Variants in LRRC37A2 observed in about 807,000 individuals in gnomAD.
LRRC37A2 encodes the protein leucine rich repeat containing 37 member A2, also known as leucine-rich repeat-containing protein 37A2.
A neutral mutation model predicts 68.8 loss-of-function variants in LRRC37A2; 9 were observed. The observed-to-expected ratio is 0.13, with a 90% CI of 0.08 to 0.23. The LOEUF is 0.23. Ranked by LOEUF, LRRC37A2 falls within the 10% of genes least tolerant of loss-of-function variation. The pLI is 1.00. For synonymous variants in LRRC37A2, 63 were observed against 367.6 expected (o/e 0.17, Z 9.48); for missense variants, 168 against 950.4 (o/e 0.18, Z 10.82).
the LRRC37A2 span, chr17:46,876,812 A>G: frequency 1.4e-6 from 2 of 1,446,930 alleles, no homozygotes; most frequent in Non-Finnish European, 1.8e-6. Flanking sequence ...CTGTCATCAC[A>G]TGCATGCATA....
chr17:46,811,710 T>C, the LRRC37A2 span, among the ~76,000 whole-genome samples: 1 of 152,164 alleles, frequency 6.6e-6, no homozygotes, highest in African/African-American at 2.4e-5. Context: ...ATCCCAGCAC[T>C]TTGGGAGGCC....
chr17:46,608,954 T>C, the LRRC37A2 span, among the ~76,000 whole-genome samples: 1 of 151,362 alleles, frequency 6.6e-6, no homozygotes, highest in East Asian at 1.9e-4. Flanking sequence ...TGAAAATGCA[T>C]GAGCACAACC....
chr17:46,633,455 C>G, the LRRC37A2 span, among the ~76,000 whole-genome samples: 1 of 129,932 alleles, frequency 7.7e-6, no homozygotes, highest in Non-Finnish European at 1.7e-5. Context: ...GTTGCCCAGT[C>G]TGGTCTCTAA....
chr17:46,791,954 C>T, the LRRC37A2 span, among the ~76,000 whole-genome samples: 3 of 152,080 alleles, frequency 2.0e-5, no homozygotes, highest in African/African-American at 7.2e-5. Flanking sequence ...GCGGGAGGAT[C>T]GCTTGAGCCC....
chr17:47,036,703 CT>C, the LRRC37A2 span, among the ~76,000 whole-genome samples: 2 of 150,632 alleles, frequency 1.3e-5, no homozygotes, highest in Non-Finnish European at 1.5e-5. Context: ...ATTTATTTGT[CT>C]GTCCACATTC....
At chr17:46,649,279 CAT>C in the LRRC37A2 span, among the ~76,000 whole-genome samples, 1 of 138,490 alleles carries the variant, frequency 7.2e-6, no homozygotes, top group Non-Finnish European at 1.5e-5. Flanking sequence ...AAAGTTTCTC[CAT>C]ATATAACAAA....
chr17:46,791,012 G>A, the LRRC37A2 span, among the ~76,000 whole-genome samples: 1 of 152,032 alleles, frequency 6.6e-6, no homozygotes, highest in Admixed American at 6.6e-5. Context: ...CTTCTTCCTG[G>A]TTTCCCCTTA....
chr17:46,899,070 A>G, the LRRC37A2 span, among the ~76,000 whole-genome samples: 3 of 152,164 alleles, frequency 2.0e-5, no homozygotes, highest in Non-Finnish European at 2.9e-5. Context: ...ACAATGGAAT[A>G]TTATTTGACC....
chr17:46,829,666 C>A, the LRRC37A2 span, among the ~76,000 whole-genome samples: 1 of 152,100 alleles, frequency 6.6e-6, no homozygotes, highest in Non-Finnish European at 1.5e-5. Flanking sequence ...CTGGTGGAAG[C>A]CTTGCCTGGG....
the LRRC37A2 span, among the ~76,000 whole-genome samples, chr17:46,724,687 A>G: frequency 6.6e-6 from 1 of 152,214 alleles, no homozygotes; most frequent in African/African-American, 2.4e-5. Context: ...ACTTTTGTGA[A>G]AGTAGGATTA....
At chr17:46,726,884 A>G in the LRRC37A2 span, among the ~76,000 whole-genome samples, 1 of 152,180 alleles carries the variant, frequency 6.6e-6, no homozygotes, top group Non-Finnish European at 1.5e-5. Context: ...TGCCCTTGCC[A>G]TAGTAAATGA....
chr17:47,011,182 A>G, the LRRC37A2 span, among the ~76,000 whole-genome samples: 2 of 152,070 alleles, frequency 1.3e-5, no homozygotes, highest in African/African-American at 2.4e-5. Context: ...AGCAACATAC[A>G]CCTACTTTAA....
At chr17:46,936,967 A>T in the LRRC37A2 span, 217 of 179,280 alleles carry the variant, frequency 1.2e-3, no homozygotes, top group Non-Finnish European at 1.8e-3. Context: ...GTATTTATTA[A>T]AAAAAAAAAA....
chr17:46,906,014 T>A, the LRRC37A2 span, among the ~76,000 whole-genome samples: 2 of 152,122 alleles, frequency 1.3e-5, no homozygotes, highest in Non-Finnish European at 2.9e-5. Context: ...TCTCCCTTCC[T>A]CCTGAAGAGG....
chr17:46,935,238 T>C, the LRRC37A2 span: 2 of 1,609,790 alleles, frequency 1.2e-6, no homozygotes, highest in Non-Finnish European at 1.7e-6. Context: ...TTAGTAACTG[T>C]GTTTATATTT....
At chr17:46,779,066 C>T in the LRRC37A2 span, among the ~76,000 whole-genome samples, 1 of 95,208 alleles carries the variant, frequency 1.1e-5, no homozygotes, top group Non-Finnish European at 2.7e-5. Flanking sequence ...CACACACACA[C>T]ACACACACAC....
At chr17:46,490,457 T>C in the LRRC37A2 span, among the ~76,000 whole-genome samples, 4 of 151,142 alleles carry the variant, frequency 2.6e-5, no homozygotes, top group African/African-American at 9.9e-5. Flanking sequence ...GCATGGTGGC[T>C]CACACCTGTA....
the LRRC37A2 span, chr17:46,938,464 T>G: frequency 7.3e-7 from 1 of 1,360,986 alleles, no homozygotes; most frequent in Non-Finnish European, 1.0e-6. Context: ...TATTTCTGGC[T>G]GATATTGCTT....
At chr17:46,768,932 T>C in the LRRC37A2 span, 52 of 1,381,916 alleles carry the variant, frequency 3.8e-5, 1 homozygote, top group South Asian at 6.7e-4. This position sits in a 1 kb window ranked among gnomAD's most constrained non-coding sequence, Gnocchi z 5.0. Context: ...AGAGAACTGA[T>C]GGGGACTGAG....
Sources: allele counts gnomAD v4.1 joint callset (sites outside exome capture counted in the v4.1 genomes callset), GRCh38; gene constraint gnomAD v4.1.1; non-coding constraint Gnocchi (gnomAD v3.1); transcripts MANE v1.5; gene names NCBI Gene and HGNC (gene_info 2026-07-23, HGNC 2026-07-21).